NEGR1: variants seen among roughly 807,000 people sequenced by gnomAD.
NEGR1 encodes the protein neuronal growth regulator 1.
In NEGR1, 10 loss-of-function variants were observed where a neutral mutation model predicts 40.9. That is an observed-to-expected ratio of 0.24 (90% CI 0.15 to 0.42). The LOEUF is 0.42. Among genes scored for constraint, NEGR1 ranks in the 10% least tolerant of loss-of-function variants. NEGR1 has a pLI of 1.00. For missense variants in NEGR1, 352 were observed against 438.9 expected, an observed-to-expected ratio of 0.80 and a Z score of 1.77; for synonymous variants, 185 against 166.8, an observed-to-expected ratio of 1.11 and a Z score of -0.84.
chr1:72,137,902 C>A (rs1650529067), intron 1 of NEGR1, among the ~76,000 whole-genome samples: 1 of 151,954 alleles, frequency 6.6e-6, no homozygotes, highest in African/African-American at 2.4e-5. Flanking sequence ...GACAGTGGAG[C>A]AAGATCTTTA....
intron 1 of NEGR1, among the ~76,000 whole-genome samples, chr1:72,174,758 A>T (rs986948053): frequency 6.3e-5 from 9 of 142,110 alleles, no homozygotes; most frequent in East Asian, 1.9e-4. Context: ...TTATAAAATT[A>T]AAAAAAATTT....
chr1:71,613,970 C>T (rs1211302945), intron 4 of NEGR1, among the ~76,000 whole-genome samples: 3 of 151,872 alleles, frequency 2.0e-5, no homozygotes, highest in Non-Finnish European at 4.4e-5. Context: ...ACTATAAAAA[C>T]TCTTACAATG....
At chr1:72,090,479 C>T (rs1176979907) in intron 1 of NEGR1, among the ~76,000 whole-genome samples, 1 of 151,534 alleles carries the variant, frequency 6.6e-6, no homozygotes, top group Admixed American at 6.6e-5. Flanking sequence ...TTCACATTTA[C>T]AGGAATTACC....
chr1:71,509,893 G>A (rs192773414), intron 6 of NEGR1, among the ~76,000 whole-genome samples: 3 of 152,318 alleles, frequency 2.0e-5, no homozygotes, highest in Admixed American at 2.0e-4. Flanking sequence ...CAGCCAAATG[G>A]CTTGGGAAAC....
chr1:71,481,761 A>G (rs1412652807), intron 6 of NEGR1, among the ~76,000 whole-genome samples: 1 of 151,870 alleles, frequency 6.6e-6, no homozygotes, highest in Non-Finnish European at 1.5e-5. Context: ...TTGAGGTGCT[A>G]TTTTTAAAAT....
At chr1:72,243,599 T>A (rs189549900) in intron 1 of NEGR1, among the ~76,000 whole-genome samples, 5 of 149,406 alleles carry the variant, frequency 3.3e-5, no homozygotes, top group East Asian at 3.9e-4. Flanking sequence ...AGTCTTGATA[T>A]TGAGTATATT....
At chr1:71,738,863 A>G (rs888882618) in intron 3 of NEGR1, among the ~76,000 whole-genome samples, 1 of 152,152 alleles carries the variant, frequency 6.6e-6, no homozygotes, top group Non-Finnish European at 1.5e-5. Context: ...AAATGTTTAT[A>G]CATTGTATGT....
chr1:71,529,352 A>G (rs1291106054), intron 6 of NEGR1, among the ~76,000 whole-genome samples: 2 of 151,228 alleles, frequency 1.3e-5, no homozygotes, highest in Admixed American at 1.3e-4. Flanking sequence ...CTAGGAATAT[A>G]AAACCAGCAT....
intron 1 of NEGR1, among the ~76,000 whole-genome samples, chr1:72,048,071 TC>T (rs776757404): frequency 6.6e-6 from 1 of 151,616 alleles, no homozygotes; most frequent in Non-Finnish European, 1.5e-5. Context: ...CTTTCATCTA[TC>T]TCCAATAGCC....
chr1:72,045,685 G>T (rs897919662), intron 1 of NEGR1, among the ~76,000 whole-genome samples: 16 of 151,674 alleles, frequency 1.1e-4, no homozygotes, highest in African/African-American at 3.9e-4. Flanking sequence ...TTTGTAAATT[G>T]CCCAGTCTTG....
At chr1:72,149,387 G>A (rs1269461845) in intron 1 of NEGR1, among the ~76,000 whole-genome samples, 1 of 152,054 alleles carries the variant, frequency 6.6e-6, no homozygotes, top group Non-Finnish European at 1.5e-5. Flanking sequence ...AATCATATCA[G>A]TTCATAAAAA....
chr1:71,563,362 C>T (rs372820891), intron 6 of NEGR1, among the ~76,000 whole-genome samples: 9 of 152,102 alleles, frequency 5.9e-5, no homozygotes, highest in African/African-American at 2.2e-4. Context: ...TGTTTTTATG[C>T]TGCTTTGCAC....
intron 1 of NEGR1, among the ~76,000 whole-genome samples, chr1:72,247,910 G>A (rs144108052): frequency 6.6e-5 from 10 of 152,208 alleles, no homozygotes; most frequent in African/African-American, 1.9e-4. Context: ...GCCAACATCC[G>A]CTTGGATTCT....
intron 2 of NEGR1, among the ~76,000 whole-genome samples, chr1:71,929,232 T>A (rs949851936): frequency 6.6e-5 from 10 of 152,156 alleles, no homozygotes; most frequent in Admixed American, 6.5e-4. Context: ...GTAGCTCCAC[T>A]AACAAGTTAT....
At chr1:71,722,481 T>C (rs1654541946) in intron 3 of NEGR1, among the ~76,000 whole-genome samples, 3 of 152,110 alleles carry the variant, frequency 2.0e-5, no homozygotes, top group African/African-American at 7.2e-5. Context: ...CTTCATATGA[T>C]AATACGTCAT....
At chr1:72,086,243 A>G (rs1569939499) in intron 1 of NEGR1, among the ~76,000 whole-genome samples, 2 of 152,312 alleles carry the variant, frequency 1.3e-5, no homozygotes, top group South Asian at 4.1e-4. Context: ...ATCAATTAAT[A>G]TGCTTTGTCA....
chr1:71,922,600 G>A (rs11209870), intron 2 of NEGR1, among the ~76,000 whole-genome samples: 29,443 of 152,022 alleles, frequency 0.19, 4,009 homozygotes, highest in African/African-American at 0.39. Context: ...GTCTAACTTT[G>A]TTGTCTAAAT....
intron 3 of NEGR1, among the ~76,000 whole-genome samples, chr1:71,763,065 T>A (rs1370873494): frequency 1.3e-5 from 2 of 152,144 alleles, no homozygotes; most frequent in Non-Finnish European, 2.9e-5. Flanking sequence ...GAGGAATGTA[T>A]GTAACTATAA....
At chr1:71,933,131 G>T (rs925068441) in intron 2 of NEGR1, among the ~76,000 whole-genome samples, 1 of 151,952 alleles carries the variant, frequency 6.6e-6, no homozygotes, top group Non-Finnish European at 1.5e-5. Context: ...CATTCAATAA[G>T]TACATTCGTA....
Sources: gnomAD v4.1 joint callset for allele counts (sites outside exome capture counted in the v4.1 genomes callset) on GRCh38, gnomAD v4.1.1 for gene constraint, MANE v1.5 for transcripts, NCBI Gene and HGNC (gene_info 2026-07-23, HGNC 2026-07-21) for gene names.